Variants in THSD7A observed in about 807,000 individuals in gnomAD.
The protein encoded by THSD7A is thrombospondin type-1 domain-containing protein 7A.
Under a neutral mutation model 231.3 loss-of-function variants are expected in THSD7A, and 96 were observed. The observed-to-expected ratio is 0.41, with a 90% CI of 0.35 to 0.49. The LOEUF (loss-of-function observed/expected upper bound fraction) is 0.49, where lower values mean the gene tolerates loss of function less well. Among genes scored for constraint, THSD7A ranks in the 20% least tolerant of loss-of-function variants. THSD7A has a pLI of 0.05. For synonymous variants in THSD7A, 940 were observed against 743.3 expected (o/e 1.26, Z -4.30); for missense variants, 2,290 against 2,070.2 (o/e 1.11, Z -2.06).
intron 2 of THSD7A, among the ~76,000 whole-genome samples, chr7:11,607,540 T>TA (rs943345157): frequency 6.1e-5 from 9 of 148,628 alleles, no homozygotes; most frequent in South Asian, 4.3e-4. Flanking sequence ...ATTGAACCTT[T>TA]AAAAAAAAAA....
intron 2 of THSD7A, among the ~76,000 whole-genome samples, chr7:11,601,411 G>A (rs1384773091): frequency 2.0e-5 from 3 of 152,182 alleles, no homozygotes; most frequent in Non-Finnish European, 4.4e-5. Flanking sequence ...TGGGGACACT[G>A]TGAACACCTG....
intron 4 of THSD7A, among the ~76,000 whole-genome samples, chr7:11,564,263 A>C (rs955962782): frequency 4.6e-5 from 7 of 152,162 alleles, no homozygotes; most frequent in African/African-American, 1.7e-4. Flanking sequence ...TGGGTGTCGA[A>C]AACACTGCTG....
intron 1 of THSD7A, among the ~76,000 whole-genome samples, chr7:11,675,870 C>G (rs1048822689): frequency 2.6e-5 from 4 of 152,184 alleles, no homozygotes; most frequent in African/African-American, 9.7e-5. Flanking sequence ...TGCCTGCCAG[C>G]TCTGAAGAGA....
rs1339505802 is a variant in THSD7A at position 11,566,969 on chromosome 7, G to GC, written c.1453+23490_1453+23491insG. 5.9e-5 allele frequency among the ~76,000 whole-genome samples: 5 copies of GC among 84,148 alleles called. 1 individual carries two copies. The highest frequency in any genetic ancestry group is 2.3e-4 in the African/African-American group (4 of 17,298). 55.2% of individuals were successfully genotyped at this position (84,148 alleles called of 152,430 possible). A position where few individuals can be genotyped will look rare whatever the true frequency, so the allele number is the denominator to read the frequency against. On this transcript the variant is annotated intron_variant, in intron 4 of 27. Coordinates refer to ENST00000423059, the MANE Select transcript of THSD7A (RefSeq NM_015204.3). ...GTGGATCCAGCTGTGGGAGAGTGGG[G>GC]GGGGGACTGACCAACAAAGTTTCCT...
At chr7:11,540,551 C>T (rs1385642622) in intron 6 of THSD7A, among the ~76,000 whole-genome samples, 2 of 152,190 alleles carry the variant, frequency 1.3e-5, no homozygotes. Context: ...GTTTAGCACT[C>T]ATGCTTCTCT....
Position 11,501,219 on chromosome 7 carries a change from C to T in THSD7A, c.1823-19237G>A, listed in dbSNP as rs758059499. Among the ~76,000 whole-genome samples the T allele has an allele frequency of 1.1e-4, 17 of 152,152 alleles. 1 individual carries two copies. The highest frequency in any genetic ancestry group is 2.4e-4 in the Non-Finnish European group (16 of 68,016). ...ACTCCACTGACAGTATTAGACAGAT[C>T]ATTGAGGCAGAATATCAATAAAGAT... is the stretch of plus-strand genomic sequence containing the variant. On this transcript the variant is annotated intron_variant, in intron 6 of 27. Coordinates refer to ENST00000423059, the MANE Select transcript of THSD7A (RefSeq NM_015204.3).
intron 9 of THSD7A, among the ~76,000 whole-genome samples, chr7:11,466,722 T>G (rs1785721216): frequency 6.6e-6 from 1 of 152,116 alleles, no homozygotes; most frequent in Non-Finnish European, 1.5e-5. Flanking sequence ...AGGGAAACAC[T>G]GCTCTGCCGC....
At position 11,446,175 on chromosome 7, in the gene THSD7A, C is replaced by G; in HGVS notation, c.2950G>C (p.Gly984Arg). 6.2e-7 allele frequency: 1 copy of G among 1,613,522 alleles called. No individual in the cohort carries two copies. ...LPEGKVEVLL[G>R]MKVQGDIKEC... is the part of the protein sequence containing the mutation. ...TTGATGTCTCCTTGTACTTTCATTCCCAGCAACACTTCCACTTTTCCCTCT... is the reference window on the plus strand; with the variant it reads ...TTGATGTCTCCTTGTACTTTCATTCGCAGCAACACTTCCACTTTTCCCTCT... The change falls in exon 13 of 28, where the codon GGA (glycine) becomes CGA (arginine). Residue 984 changes from glycine (G) to arginine (R), a missense_variant. Physicochemically the swap from Gly to Arg is moderately radical, Grantham distance 125. Coordinates refer to ENST00000423059, the MANE Select transcript of THSD7A (RefSeq NM_015204.3). The surrounding 1 kb of genome is among the most constrained non-coding windows in gnomAD (Gnocchi z 4.0).
chr7:11,512,219 T>G (rs1787840804), intron 6 of THSD7A, among the ~76,000 whole-genome samples: 1 of 151,886 alleles, frequency 6.6e-6, no homozygotes, highest in Non-Finnish European at 1.5e-5. Flanking sequence ...GAAATGAAAA[T>G]CAAAACCACA....
At chr7:11,561,706 C>T (rs992369647) in intron 4 of THSD7A, among the ~76,000 whole-genome samples, 2 of 152,114 alleles carry the variant, frequency 1.3e-5, no homozygotes, top group African/African-American at 2.4e-5. Flanking sequence ...CCCAACTCTA[C>T]TAAAAATACA....
At chr7:11,532,055 C>T (rs180707860) in intron 6 of THSD7A, among the ~76,000 whole-genome samples, 3 of 152,082 alleles carry the variant, frequency 2.0e-5, no homozygotes, top group African/African-American at 4.8e-5. Context: ...AATAAGTGAC[C>T]ATTCAGCTGT....
intron 4 of THSD7A, among the ~76,000 whole-genome samples, chr7:11,547,935 A>G (rs1789466076): frequency 6.6e-6 from 1 of 152,192 alleles, no homozygotes; most frequent in Admixed American, 6.5e-5. Flanking sequence ...ACAACATGAA[A>G]TCACACTTAG....
chr7:11,375,713 G>A lies in THSD7A; in HGVS notation c.*81C>T, dbSNP rs1782241990. 4.4e-6 allele frequency: 5 copies of A among 1,140,274 alleles called. No individual in the cohort carries two copies. The Admixed American group carries it at 6.0e-5, about 14-fold the overall frequency. 70.6% of individuals were successfully genotyped at this position (1,140,274 alleles called of 1,614,324 possible). ...ATTAAAATATATTTTAATCCACACAGTTTGGATACATTTGTTGTGGCCTCT... is the reference window on the plus strand; with the variant it reads ...ATTAAAATATATTTTAATCCACACAATTTGGATACATTTGTTGTGGCCTCT... On this transcript the variant is annotated 3_prime_UTR_variant, in exon 28 of 28. Coordinates refer to ENST00000423059, the MANE Select transcript of THSD7A (RefSeq NM_015204.3).
At chr7:11,422,473 T>G (rs1583710140) in intron 16 of THSD7A, among the ~76,000 whole-genome samples, 1 of 151,970 alleles carries the variant, frequency 6.6e-6, no homozygotes, top group Non-Finnish European at 1.5e-5. Flanking sequence ...TGATTAGAGA[T>G]CGCAATCAAT....
In THSD7A at chr7:11,376,467, G is replaced by A. The variant is rs1247310409; in HGVS notation, c.4889+103C>T. 6 of 865,984 alleles carry A rather than the reference G, an allele frequency of 6.9e-6. No homozygotes were observed. In the East Asian group the frequency reaches 1.7e-4, roughly 24 times the overall value. The allele number at this position is 865,984 out of a possible 1,614,324, so 53.6% of individuals were successfully genotyped here. On this transcript the variant is annotated intron_variant, in intron 27 of 27. Coordinates refer to ENST00000423059, the MANE Select transcript of THSD7A (RefSeq NM_015204.3). ...AAGCCATGTTTATTTAGAAATTCAT[G>A]TGAACACCAGATAAATGTAGAGTAC...
At chr7:11,770,275 G>C (rs1783179575) in intron 1 of THSD7A, among the ~76,000 whole-genome samples, 1 of 151,998 alleles carries the variant, frequency 6.6e-6, no homozygotes, top group Non-Finnish European at 1.5e-5. Flanking sequence ...GTTGCACTCA[G>C]AAGCCAAACC....
rs1339099075 is a variant in THSD7A, at chr7:11,444,423, G to A, written c.3064+1638C>T. On this transcript the variant is annotated intron_variant, in intron 13 of 27. Transcript: ENST00000423059. This position sits in a 1 kb window ranked among gnomAD's most constrained non-coding sequence, Gnocchi z 4.2. ...CCCAAATGCTCATCAATGATATACT[G>A]GATAAAGAAAATGTGGCACATATAC... 6.6e-6 allele frequency among the ~76,000 whole-genome samples: 1 copy of A among 151,920 alleles called. No homozygotes were observed. Among genetic ancestry groups the A allele is most frequent in the African/African-American group, 2.4e-5 (1 of 41,376 alleles).
chr7:11,565,763 G>T (rs16876975), intron 4 of THSD7A, among the ~76,000 whole-genome samples: 1 of 152,040 alleles, frequency 6.6e-6, no homozygotes, highest in Non-Finnish European at 1.5e-5. Flanking sequence ...CTTTTTAGTT[G>T]ATCAGAGTCC....
intron 2 of THSD7A, among the ~76,000 whole-genome samples, chr7:11,626,570 T>A (rs1213839880): frequency 6.6e-6 from 1 of 152,090 alleles, no homozygotes; most frequent in Non-Finnish European, 1.5e-5. Flanking sequence ...TTGTTAGAAG[T>A]TTACAGGTAG....
Sources: gnomAD v4.1 joint callset for allele counts (sites outside exome capture counted in the v4.1 genomes callset) on GRCh38, gnomAD v4.1.1 for gene constraint, Gnocchi (gnomAD v3.1) non-coding constraint, MANE v1.5 for transcripts, NCBI Gene and HGNC (gene_info 2026-07-23, HGNC 2026-07-21) for gene names.